Variants in EIF3C observed in about 807,000 individuals in gnomAD.
EIF3C encodes cell migration-inducing protein 17.
A neutral mutation model predicts 11.1 loss-of-function variants in EIF3C; 2 were observed. That is an observed-to-expected ratio of 0.18 (90% CI 0.07 to 0.57). The LOEUF is 0.57. Ranked by LOEUF, EIF3C falls within the 20% of genes least tolerant of loss-of-function variation. The pLI, the probability that EIF3C is intolerant of heterozygous loss-of-function variation, is 0.92. For synonymous variants in EIF3C, 2 were observed against 41.5 expected, an observed-to-expected ratio of 0.05 and a Z score of 3.66; for missense variants, 16 against 114.6, an observed-to-expected ratio of 0.14 and a Z score of 3.93.
chr16:28,733,052 TG>T (rs1362607823), intron 16 of EIF3C, among the ~76,000 whole-genome samples: 3 of 76,708 alleles, frequency 3.9e-5, no homozygotes, highest in African/African-American at 2.0e-4. Context: ...AAATATTCTT[TG>T]AGCCCCTAAA....
At chr16:28,698,279 G>C (rs1487549006) in intron 1 of EIF3C, among the ~76,000 whole-genome samples, 1 of 119,164 alleles carries the variant, frequency 8.4e-6, no homozygotes, top group East Asian at 2.7e-4. Flanking sequence ...CTCCCTCCCG[G>C]ACGGGGTGGC....
At chr16:28,712,754 TC>T (rs1324498416) in intron 2 of EIF3C, among the ~76,000 whole-genome samples, 1 of 150,256 alleles carries the variant, frequency 6.7e-6, no homozygotes, top group African/African-American at 2.5e-5. Flanking sequence ...AAGCCGGTAA[TC>T]CCAGCACTTT....
At chr16:28,699,656 G>T (rs2048269973) in intron 1 of EIF3C, among the ~76,000 whole-genome samples, 1 of 86,978 alleles carries the variant, frequency 1.1e-5, no homozygotes, top group Admixed American at 1.1e-4. Flanking sequence ...TGATTCTCCT[G>T]CCTCAGCCTA....
upstream of EIF3C, among the ~76,000 whole-genome samples, chr16:28,707,106 C>G (rs1175751128): frequency 4.1e-4 from 11 of 26,664 alleles, no homozygotes; most frequent in East Asian, 1.2e-3. Context: ...TTTTTGGCGA[C>G]AAGGTCTTGC....
At chr16:28,698,461 A>G (rs1344834462) in intron 1 of EIF3C, among the ~76,000 whole-genome samples, 2 of 46,316 alleles carry the variant, frequency 4.3e-5, no homozygotes, top group Non-Finnish European at 6.9e-5. Flanking sequence ...CCCGGATGGC[A>G]CGGCTGGCCA....
rs1464603690 is a variant in EIF3C, at chr16:28,712,213, A to T, written c.101+426A>T. 2 of 79,600 alleles carry T rather than the reference A, an allele frequency of 2.5e-5. 1 individual carries two copies. Among genetic ancestry groups the T allele is most frequent in the Non-Finnish European group, 5.4e-5 (2 of 37,122 alleles). 4.9% of individuals were successfully genotyped at this position (79,600 alleles called of 1,614,324 possible). ...ACCTGCTGTGTACGCAGGTGCTTAA[A>T]CATTTTCTATGCCTGTTCACTTCTA... On this transcript the variant is annotated intron_variant, in intron 2 of 20. Transcript: ENST00000331666.
At position 28,700,477 on chromosome 16, in the gene EIF3C, C is replaced by T. The variant is rs577970136; in HGVS notation, c.-30-11180C>T. The T allele has an allele frequency of 2.8e-5, 10 of 351,034 alleles. 4 individuals carry two copies. The highest frequency in any genetic ancestry group is 2.6e-4 in the East Asian group (3 of 11,392). The allele number at this position is 351,034 out of a possible 1,614,324, so 21.7% of individuals were successfully genotyped here. A position where few individuals can be genotyped will look rare whatever the true frequency, so the allele number is the denominator to read the frequency against. On this transcript the variant is annotated intron_variant, in intron 1 of 20. Coordinates refer to the EIF3C transcript ENST00000566501. The stretch of plus-strand genomic sequence containing the variant: ...CATCTTGCTGCATTTGCGCGTCCTT[C>T]GCATTGAAGCCCTTTTGGAGTTCCT...
chr16:28,732,434 AGTT>A (rs2151803258), intron 16 of EIF3C, among the ~76,000 whole-genome samples: 1 of 36,430 alleles, frequency 2.7e-5, no homozygotes, highest in South Asian at 1.0e-3. Flanking sequence ...GGCACAGAGT[AGTT>A]AAGTGACTTG....
intron 1 of EIF3C, among the ~76,000 whole-genome samples, chr16:28,693,316 C>A (rs1456845463): frequency 2.4e-4 from 1 of 4,100 alleles, no homozygotes; most frequent in Non-Finnish European, 3.8e-4. Context: ...GCTGGAATTA[C>A]AGGCACACGC....
rs1300797478 is a variant in EIF3C, at chr16:28,697,736, G to T, written c.-31+8908G>T. Among the ~76,000 whole-genome samples, 18 of 92,542 alleles carry T rather than the reference G, an allele frequency of 1.9e-4. 4 individuals are homozygous for T. Among genetic ancestry groups the T allele is most frequent in the Non-Finnish European group, 2.7e-4 (14 of 52,352 alleles). 60.7% of individuals were successfully genotyped at this position (92,542 alleles called of 152,430 possible). ...TCCCAGACGGGGTGGTGGCCGGTCAGAGGGGCTCCTCACTTCCCAGTAGGG... is the reference window on the plus strand; with the variant it reads ...TCCCAGACGGGGTGGTGGCCGGTCATAGGGGCTCCTCACTTCCCAGTAGGG... On this transcript the variant is annotated intron_variant, in intron 1 of 20. Transcript: ENST00000566501.
chr16:28,699,808 T>C (rs1444843321), intron 1 of EIF3C, among the ~76,000 whole-genome samples: 5 of 95,514 alleles, frequency 5.2e-5, no homozygotes, highest in African/African-American at 2.3e-4. Context: ...CCTCCCAGCG[T>C]GCTGGGATTA....
chr16:28,699,508 G>A lies in EIF3C; in HGVS notation c.-31+10680G>A, dbSNP rs796537502. 9.5e-5 allele frequency among the ~76,000 whole-genome samples: 10 copies of A among 105,584 alleles called. No homozygotes were observed. The South Asian group carries it at 3.8e-3, about 41-fold the overall frequency. 69.3% of individuals were successfully genotyped at this position (105,584 alleles called of 152,430 possible). A position where few individuals can be genotyped will look rare whatever the true frequency, so the allele number is the denominator to read the frequency against. Reference sequence around the variant, plus strand: ...GGAGAGGGAGAGGGAGAGGGAGAGGGAGAGGGAGAGGGCATGAAAATAGGA... The same window carrying A: ...GGAGAGGGAGAGGGAGAGGGAGAGGAAGAGGGAGAGGGCATGAAAATAGGA... On this transcript the variant is annotated intron_variant, in intron 1 of 20. Coordinates refer to the EIF3C transcript ENST00000566501.
chr16:28,728,540 G>GTGTGTGTA (rs1330854123), intron 15 of EIF3C, among the ~76,000 whole-genome samples: 120 of 120,098 alleles, frequency 1.0e-3, no homozygotes, highest in African/African-American at 3.3e-3. Context: ...GTGTGTGTGT[G>GTGTGTGTA]TGTGTGTGTT....
At chr16:28,725,961 CT>C (rs1273197547) in intron 13 of EIF3C, among the ~76,000 whole-genome samples, 2 of 147,874 alleles carry the variant, frequency 1.4e-5, no homozygotes, top group African/African-American at 5.0e-5. Context: ...TGGCAGGTGC[CT>C]GTAAATCCCA....
intron 8 of EIF3C, chr16:28,722,955 T>C (rs1373888060): frequency 1.4e-5 from 10 of 740,352 alleles, no homozygotes; most frequent in Non-Finnish European, 2.2e-5. Context: ...TGACAGGTTG[T>C]TTCTATTAAT....
In EIF3C at chr16:28,691,224, G is replaced by T. The variant is rs1250191829; in HGVS notation, c.-31+2396G>T. On this transcript the variant is annotated intron_variant, in intron 1 of 20. Coordinates refer to the EIF3C transcript ENST00000566501. ...TATATATTATATATATATATATGGA[G>T]CAGAAAAAGCCTTTGTTGGACGAAT... Among the ~76,000 whole-genome samples the T allele has an allele frequency of 4.8e-5, 2 of 41,658 alleles. 1 individual carries two copies. Among genetic ancestry groups the T allele is most frequent in the East Asian group, 1.4e-3 (2 of 1,458 alleles). The allele number at this position is 41,658 out of a possible 152,430, so 27.3% of individuals were successfully genotyped here.
At chr16:28,697,968 C>T (rs2048249602) in intron 1 of EIF3C, among the ~76,000 whole-genome samples, 1 of 88,534 alleles carries the variant, frequency 1.1e-5, no homozygotes, top group Non-Finnish European at 2.2e-5. Flanking sequence ...CCCTCACCTC[C>T]CGGGCGGGGC....
intron 15 of EIF3C, among the ~76,000 whole-genome samples, chr16:28,729,917 C>A (rs2048424977): frequency 6.6e-6 from 1 of 150,438 alleles, no homozygotes; most frequent in Non-Finnish European, 1.5e-5. Context: ...CACGATCACG[C>A]CACTGCACTC....
chr16:28,700,685 G>A lies in EIF3C; in HGVS notation c.-30-10972G>A, dbSNP rs1391384904. ...GCTCTCCATGCACTAGCAGTCAGCC[G>A]TCTGAATCTCAGTGAAGAACTGCCA... On this transcript the variant is annotated intron_variant, in intron 1 of 20. Coordinates refer to the EIF3C transcript ENST00000566501. The A allele has an allele frequency of 1.7e-5, 3 of 177,510 alleles. 1 individual carries two copies. The highest frequency in any genetic ancestry group is 3.0e-5 in the Non-Finnish European group (3 of 98,392). The allele number at this position is 177,510 out of a possible 1,614,324, so 11.0% of individuals were successfully genotyped here. A position where few individuals can be genotyped will look rare whatever the true frequency, so the allele number is the denominator to read the frequency against.
Sources: allele counts gnomAD v4.1 joint callset (sites outside exome capture counted in the v4.1 genomes callset), GRCh38; gene constraint gnomAD v4.1.1; transcripts MANE v1.5; gene names NCBI Gene and HGNC (gene_info 2026-07-23, HGNC 2026-07-21).